PKHD1: variants seen among roughly 807,000 people sequenced by gnomAD.
The protein encoded by PKHD1 is PKHD1 ciliary IPT domain containing fibrocystin/polyductin.
In PKHD1, 291 loss-of-function variants were observed where a neutral mutation model predicts 412.0. The observed-to-expected ratio is 0.71, with a 90% confidence interval of 0.64 to 0.78. The LOEUF is 0.78. PKHD1 is among the 30% of genes least tolerant of loss of function. PKHD1 has a pLI of 0.00. For synonymous variants in PKHD1, 1,777 were observed against 1,821.5 expected (o/e 0.98, Z 0.62); for missense variants, 4,825 against 4,950.7 (o/e 0.97, Z 0.76).
intron 40 of PKHD1, among the ~76,000 whole-genome samples, chr6:51,908,166 C>G (rs972263572): frequency 6.6e-6 from 1 of 152,036 alleles, no homozygotes; most frequent in Non-Finnish European, 1.5e-5. Flanking sequence ...ATATGCGGAG[C>G]CATCCTCTGA....
chr6:51,913,001 T>C (rs113003989), intron 37 of PKHD1, among the ~76,000 whole-genome samples: 61 of 152,158 alleles, frequency 4.0e-4, no homozygotes, highest in African/African-American at 1.4e-3. Context: ...TTCAATGAAA[T>C]AGTATCTATG....
chr6:51,777,235 C>G (rs139425198), intron 53 of PKHD1, among the ~76,000 whole-genome samples: 1 of 152,222 alleles, frequency 6.6e-6, no homozygotes, highest in African/African-American at 2.4e-5. Flanking sequence ...AATCATCCCC[C>G]CTTGCTGACA....
At chr6:52,040,091 G>C (rs1057195084) in intron 27 of PKHD1, among the ~76,000 whole-genome samples, 2 of 152,154 alleles carry the variant, frequency 1.3e-5, no homozygotes, top group African/African-American at 4.8e-5. Context: ...GTGGTTACCA[G>C]GGATTGGGAA....
chr6:52,073,628 T>C, intron 6 of PKHD1, 87 bp from the exon 7 acceptor site: 1 of 822,936 alleles, frequency 1.2e-6, no homozygotes, highest in Non-Finnish European at 2.1e-6. Flanking sequence ...TGGTTGTATA[T>C]ACTCAATATG....
At chr6:51,936,692 A>C (rs986528104) in intron 36 of PKHD1, among the ~76,000 whole-genome samples, 1 of 152,194 alleles carries the variant, frequency 6.6e-6, no homozygotes, top group Admixed American at 6.5e-5. Flanking sequence ...CATGACGGGG[A>C]GTGTCAGAGA....
Position 52,065,168 on chromosome 6 carries a change from T to TATATAG in PKHD1, c.881-119_881-118insCTATAT, listed in dbSNP as rs1472830438. ...ATATATATATATATATATATATATA[T>TATATAG]AGAGAGAGAGAGAGAGAGAGAGAGA... On this transcript the variant is annotated intron_variant, in intron 12 of 66. Coordinates refer to ENST00000371117, the MANE Select transcript of PKHD1 (RefSeq NM_138694.4). 7.2e-3 allele frequency: 229 copies of TATATAG among 31,660 alleles called. 2 individuals are homozygous for TATATAG. Among genetic ancestry groups the TATATAG allele is most frequent in the Middle Eastern group, 0.042 (2 of 48 alleles). The allele number at this position is 31,660 out of a possible 1,614,324, so 2.0% of individuals were successfully genotyped here. A position where few individuals can be genotyped will look rare whatever the true frequency, so the allele number is the denominator to read the frequency against.
intron 35 of PKHD1, among the ~76,000 whole-genome samples, chr6:51,981,491 T>C (rs1938910402): frequency 6.6e-6 from 1 of 152,036 alleles, no homozygotes; most frequent in Non-Finnish European, 1.5e-5. Flanking sequence ...GGTTTTCGTT[T>C]TTTTTTTGGT....
At chr6:51,955,610 G>T (rs986698421) in intron 36 of PKHD1, among the ~76,000 whole-genome samples, 11 of 151,936 alleles carry the variant, frequency 7.2e-5, no homozygotes, top group African/African-American at 2.2e-4. Context: ...TCCATGAATG[G>T]AAAAATAATA....
chr6:51,616,791 A>G lies in PKHD1; in HGVS notation c.*2290T>C, dbSNP rs148166860. 10 of 397,860 alleles carry G rather than the reference A, an allele frequency of 2.5e-5. No homozygotes were observed. The highest frequency in any genetic ancestry group is 6.3e-4 in the Middle Eastern group (1 of 1,576). 24.6% of individuals were successfully genotyped at this position (397,860 alleles called of 1,614,324 possible). A position where few individuals can be genotyped will look rare whatever the true frequency, so the allele number is the denominator to read the frequency against. On this transcript the variant is annotated 3_prime_UTR_variant, in exon 67 of 67. Coordinates refer to ENST00000371117, the MANE Select transcript of PKHD1 (RefSeq NM_138694.4). ...CAGAAAGACTGGTCTTGTGACACATAGAGGATAAATAAGAAGATAATAAAA... is the reference window on the plus strand; with the variant it reads ...CAGAAAGACTGGTCTTGTGACACATGGAGGATAAATAAGAAGATAATAAAA...
chr6:51,676,313 A>C (rs1225138933), intron 60 of PKHD1, among the ~76,000 whole-genome samples: 2 of 151,716 alleles, frequency 1.3e-5, no homozygotes, highest in African/African-American at 4.8e-5. Context: ...AAAAAAATTT[A>C]AATAAATGTT....
chr6:51,673,240 T>C (rs1003727661), intron 60 of PKHD1, among the ~76,000 whole-genome samples: 3 of 152,270 alleles, frequency 2.0e-5, no homozygotes, highest in East Asian at 1.9e-4. Flanking sequence ...AATTCCCCAA[T>C]TTTTGCCTCA....
At chr6:51,801,651 G>A (rs1265032068) in intron 52 of PKHD1, among the ~76,000 whole-genome samples, 1 of 145,466 alleles carries the variant, frequency 6.9e-6, no homozygotes, top group African/African-American at 2.6e-5. Context: ...GTGTGTGTGT[G>A]TGTGAGAGAG....
chr6:51,626,873 G>A (rs1767303441), intron 66 of PKHD1, 124 bp downstream of exon 66: 4 of 963,650 alleles, frequency 4.2e-6, no homozygotes, highest in Non-Finnish European at 6.7e-6. Flanking sequence ...TTGAAGGAAA[G>A]TAACAAAGAC....
chr6:52,062,501 AC>A lies in PKHD1; in HGVS notation c.1118+17del, dbSNP rs1265689527. The stretch of plus-strand genomic sequence containing the variant: ...AAAGGTGCTTTTGATGTGGGCTCCC[AC>A]TTTTCCTACAACATACCTGAAAGGT... On this transcript the variant is annotated intron_variant, in intron 14 of 66. Transcript: ENST00000371117. 1 of 1,613,838 alleles carries A rather than the reference AC, an allele frequency of 6.2e-7. No homozygotes were observed. The highest frequency in any genetic ancestry group is 1.1e-5 in the South Asian group (1 of 91,074).
intron 40 of PKHD1, among the ~76,000 whole-genome samples, chr6:51,908,146 C>T (rs928230725): frequency 1.3e-5 from 2 of 152,046 alleles, no homozygotes; most frequent in South Asian, 2.1e-4. Flanking sequence ...GAAGCACTAG[C>T]GGAGAGGCCA....
Position 51,725,202 on chromosome 6 carries a change from G to A in PKHD1, c.10156+19183C>T, listed in dbSNP as rs536209125. On this transcript the variant is annotated intron_variant, in intron 60 of 66. Coordinates refer to ENST00000371117, the MANE Select transcript of PKHD1 (RefSeq NM_138694.4). Reference sequence around the variant, plus strand: ...CGCCCCAGGCTGGTGAAGGTGCCTAGCTGTGTGACATGATTGGCATCCCCA... The same window carrying A: ...CGCCCCAGGCTGGTGAAGGTGCCTAACTGTGTGACATGATTGGCATCCCCA... 3.9e-5 allele frequency among the ~76,000 whole-genome samples: 6 copies of A among 152,310 alleles called. No individual in the cohort carries two copies. The East Asian group carries it at 1.2e-3, about 29-fold the overall frequency.
At chr6:51,781,865 A>G (rs1792069457) in intron 53 of PKHD1, among the ~76,000 whole-genome samples, 1 of 152,058 alleles carries the variant, frequency 6.6e-6, no homozygotes, top group African/African-American at 2.4e-5. Flanking sequence ...TTCAAAGCAA[A>G]AATATTAAGT....
At chr6:52,058,022 C>T (rs62406037) in intron 16 of PKHD1, among the ~76,000 whole-genome samples, 56 of 152,168 alleles carry the variant, frequency 3.7e-4, no homozygotes, top group Non-Finnish European at 6.8e-4. Flanking sequence ...CATGCATGCA[C>T]GCATACATGT....
intron 36 of PKHD1, among the ~76,000 whole-genome samples, chr6:51,944,756 G>A (rs988820791): frequency 1.3e-5 from 2 of 152,128 alleles, no homozygotes; most frequent in African/African-American, 4.8e-5. Flanking sequence ...TTACTGCAAC[G>A]CCATGGTCTT....
Sources: allele counts gnomAD v4.1 joint callset (sites outside exome capture counted in the v4.1 genomes callset), GRCh38; gene constraint gnomAD v4.1.1; transcripts MANE v1.5; gene names NCBI Gene and HGNC (gene_info 2026-07-23, HGNC 2026-07-21).